The following SPATA31F3 variants were observed in gnomAD, a reference collection of about 807,000 sequenced individuals.
SPATA31F3 encodes the protein SPATA31 subfamily F member 3.
chr9:34,889,682 C>G, the SPATA31F3 span: 2 of 398,374 alleles, frequency 5.0e-6, no homozygotes, highest in Non-Finnish European at 8.9e-6. Context: ...TTACCAGACC[C>G]TGCAACTCTT....
At chr9:34,889,737 T>G in the SPATA31F3 span, 1 of 397,528 alleles carries the variant, frequency 2.5e-6, no homozygotes, top group Non-Finnish European at 4.4e-6. Flanking sequence ...CTGCAAATTT[T>G]GCCCTGTAAA....
At chr9:34,892,995 A>G in the SPATA31F3 span, 1 of 762,922 alleles carries the variant, frequency 1.3e-6, no homozygotes. Context: ...TCTAGGCAAG[A>G]GGAGCCCTGT....
At chr9:34,889,086 A>G in the SPATA31F3 span, 4 of 398,494 alleles carry the variant, frequency 1.0e-5, no homozygotes, top group Admixed American at 1.8e-4. Context: ...GGTACAAAGT[A>G]TATTTGGAGA....
the SPATA31F3 span, among the ~76,000 whole-genome samples, chr9:34,890,511 G>A: frequency 6.6e-6 from 1 of 152,144 alleles, no homozygotes; most frequent in Non-Finnish European, 1.5e-5. Context: ...GTACTGCTAT[G>A]GAACTAGATC....
chr9:34,893,542 A>T, the SPATA31F3 span, among the ~76,000 whole-genome samples: 3 of 151,958 alleles, frequency 2.0e-5, no homozygotes, highest in Non-Finnish European at 2.9e-5. Flanking sequence ...CGGAGCTTGC[A>T]GTGAGCCGAG....
chr9:34,890,317 A>G, the SPATA31F3 span, among the ~76,000 whole-genome samples: 13 of 152,200 alleles, frequency 8.5e-5, no homozygotes, highest in Admixed American at 5.9e-4. Flanking sequence ...ATCAAATGTC[A>G]CTGGGTCAAC....
the SPATA31F3 span, chr9:34,895,677 A>T: frequency 9.9e-6 from 4 of 404,406 alleles, no homozygotes; most frequent in African/African-American, 8.2e-5. Flanking sequence ...CCATAGGTGT[A>T]TAAGGGATAT....
At chr9:34,894,412 C>A in the SPATA31F3 span, 1 of 398,456 alleles carries the variant, frequency 2.5e-6, no homozygotes, top group Non-Finnish European at 4.4e-6. Context: ...AGACTAGCAG[C>A]TGGGAGACTG....
At chr9:34,889,559 C>T in the SPATA31F3 span, 2 of 398,436 alleles carry the variant, frequency 5.0e-6, no homozygotes, top group Admixed American at 4.4e-5. Flanking sequence ...ATTCCTCATG[C>T]CTTCGATCTT....
chr9:34,889,709 G>A, the SPATA31F3 span: 8 of 397,742 alleles, frequency 2.0e-5, no homozygotes, highest in East Asian at 2.8e-4. Context: ...AGAAAGTGTG[G>A]CCCTGCAAAT....
chr9:34,895,212 C>T, the SPATA31F3 span: 1 of 396,896 alleles, frequency 2.5e-6, no homozygotes, highest in Non-Finnish European at 4.4e-6. Context: ...TTCTATCTTT[C>T]CTTTCTGTAT....
chr9:34,889,987 A>C, the SPATA31F3 span, among the ~76,000 whole-genome samples: 3 of 152,128 alleles, frequency 2.0e-5, no homozygotes, highest in African/African-American at 4.8e-5. Context: ...GTAATCCTGG[A>C]GGATGCTCTT....
At chr9:34,895,232 C>A in the SPATA31F3 span, 1 of 396,618 alleles carries the variant, frequency 2.5e-6, no homozygotes, top group Non-Finnish European at 4.4e-6. Context: ...TTCTTTTTCA[C>A]CCCAAGAGTT....
chr9:34,894,458 C>T, the SPATA31F3 span: 1 of 398,622 alleles, frequency 2.5e-6, no homozygotes, highest in Non-Finnish European at 4.4e-6. Context: ...TGAGAAACAG[C>T]AGCTTCCACA....
At chr9:34,893,157 G>T in the SPATA31F3 span, 1 of 578,218 alleles carries the variant, frequency 1.7e-6, no homozygotes, top group Non-Finnish European at 2.8e-6. Flanking sequence ...CCCTGGCTGG[G>T]AAGAGAAACA....
At chr9:34,889,499 G>GT in the SPATA31F3 span, 3 of 398,488 alleles carry the variant, frequency 7.5e-6, no homozygotes, top group African/African-American at 4.1e-5. Context: ...TCTTCTCAAT[G>GT]TTTTTTGTCC....
chr9:34,893,486 A>G, the SPATA31F3 span, among the ~76,000 whole-genome samples: 1 of 152,082 alleles, frequency 6.6e-6, no homozygotes, highest in Non-Finnish European at 1.5e-5. Flanking sequence ...CTGTAGTCCC[A>G]GCTACTTGGG....
At chr9:34,892,916 A>G in the SPATA31F3 span, 1 of 688,316 alleles carries the variant, frequency 1.5e-6, no homozygotes. Flanking sequence ...TGCCAGTGAA[A>G]GCTCTTTGGA....
chr9:34,895,680 A>G, the SPATA31F3 span: 1 of 404,658 alleles, frequency 2.5e-6, no homozygotes, highest in Non-Finnish European at 4.4e-6. Flanking sequence ...TAGGTGTATA[A>G]GGGATATCCA....
Sources: gnomAD v4.1 joint callset for allele counts (sites outside exome capture counted in the v4.1 genomes callset) on GRCh38, gnomAD v4.1.1 for gene constraint, MANE v1.5 for transcripts, NCBI Gene and HGNC (gene_info 2026-07-23, HGNC 2026-07-21) for gene names.